EEF2K: variants seen among roughly 807,000 people sequenced by gnomAD.
The protein encoded by EEF2K is eukaryotic elongation factor 2 kinase, also known as alternative protein EEF2K.
In EEF2K, 70 loss-of-function variants were observed where a neutral mutation model predicts 93.8. The ratio of observed to expected loss-of-function variants is 0.75; its 90% CI spans 0.62 to 0.91. The LOEUF (loss-of-function observed/expected upper bound fraction) is 0.91. Ranked by LOEUF, EEF2K falls within the 40% of genes least tolerant of loss-of-function variation. The pLI, the probability that EEF2K is intolerant of heterozygous loss-of-function variation, is 0.00. For synonymous variants in EEF2K, 376 were observed against 380.8 expected (o/e 0.99, Z 0.15); for missense variants, 935 against 972.9 (o/e 0.96, Z 0.52).
intron 6 of EEF2K, among the ~76,000 whole-genome samples, 196 bp from the exon 7 acceptor site, chr16:22,256,552 T>TA (rs1221329779): frequency 6.6e-6 from 1 of 152,172 alleles, no homozygotes; most frequent in Non-Finnish European, 1.5e-5. Flanking sequence ...ATATTTTTTT[T>TA]AATTTTAAAA....
chr16:22,207,937 A>G (rs1598155558), intron 1 of EEF2K, among the ~76,000 whole-genome samples: 2 of 152,286 alleles, frequency 1.3e-5, no homozygotes, highest in Admixed American at 1.3e-4. Context: ...GGAAGGAGGT[A>G]GAGTTCAGAG....
At chr16:22,274,177 T>A (rs1034705706) in intron 16 of EEF2K, among the ~76,000 whole-genome samples, 2 of 152,026 alleles carry the variant, frequency 1.3e-5, no homozygotes, top group African/African-American at 4.8e-5. Context: ...GCATGGTGGC[T>A]CACGCATGTA....
At chr16:22,234,877 C>CTTTTTTTTTT (rs1173052779) in intron 2 of EEF2K, among the ~76,000 whole-genome samples, 1 of 90,626 alleles carries the variant, frequency 1.1e-5, no homozygotes, top group African/African-American at 4.4e-5. Context: ...TTTTTTGTTG[C>CTTTTTTTTTT]TTTTTTTTTT....
At chr16:22,281,048 C>T (rs1420852763) in intron 17 of EEF2K, among the ~76,000 whole-genome samples, 1 of 152,058 alleles carries the variant, frequency 6.6e-6, no homozygotes, top group Non-Finnish European at 1.5e-5. Context: ...GATTCTTGTG[C>T]CTCAGCCTCC....
At chr16:22,228,190 A>G (rs1178154683) in intron 2 of EEF2K, among the ~76,000 whole-genome samples, 2 of 152,106 alleles carry the variant, frequency 1.3e-5, no homozygotes, top group Non-Finnish European at 2.9e-5. Flanking sequence ...TAGGTGCTTA[A>G]TAAGTGTTAT....
intron 2 of EEF2K, among the ~76,000 whole-genome samples, chr16:22,237,150 C>T (rs922055637): frequency 6.6e-6 from 1 of 151,012 alleles, no homozygotes. Context: ...TCACCATGTT[C>T]ACCAGACTGG....
intron 2 of EEF2K, among the ~76,000 whole-genome samples, chr16:22,241,275 A>G (rs149439665): frequency 1.3e-5 from 2 of 152,292 alleles, no homozygotes; most frequent in Admixed American, 1.3e-4. Flanking sequence ...ATCACTAAAT[A>G]AAGCACAAAA....
intron 5 of EEF2K, 125 bp downstream of exon 5, chr16:22,250,816 G>T (rs2047342354): frequency 1.6e-6 from 2 of 1,284,028 alleles, no homozygotes; most frequent in African/African-American, 1.5e-5. Context: ...TGTAGCCCAG[G>T]TTCCTGTCCA....
At chr16:22,277,148 T>C (rs528280959) in intron 16 of EEF2K, among the ~76,000 whole-genome samples, 1 of 152,310 alleles carries the variant, frequency 6.6e-6, no homozygotes, top group South Asian at 2.1e-4. Flanking sequence ...TATTTATTTA[T>C]TTATTTGAGA....
At chr16:22,254,285 G>C (rs940298818) in intron 6 of EEF2K, among the ~76,000 whole-genome samples, 3 of 152,174 alleles carry the variant, frequency 2.0e-5, no homozygotes, top group Non-Finnish European at 4.4e-5. Flanking sequence ...TTTCCTTGTA[G>C]GGATGGGACC....
At chr16:22,244,269 T>TA (rs2047259948) in intron 2 of EEF2K, among the ~76,000 whole-genome samples, 1 of 140,058 alleles carries the variant, frequency 7.1e-6, no homozygotes, top group Admixed American at 7.4e-5. Flanking sequence ...TATATATGTA[T>TA]TGTGTGTGTG....
intron 11 of EEF2K, among the ~76,000 whole-genome samples, chr16:22,261,559 A>T (rs2047462331): frequency 6.6e-6 from 1 of 151,764 alleles, no homozygotes; most frequent in Non-Finnish European, 1.5e-5. Flanking sequence ...GTATGGTGGC[A>T]GTTTCCTGTA....
chr16:22,236,728 C>T (rs571860285), intron 2 of EEF2K, among the ~76,000 whole-genome samples: 99 of 151,736 alleles, frequency 6.5e-4, no homozygotes, highest in African/African-American at 2.3e-3. Context: ...GCACTCCACC[C>T]TCACTCCTGG....
chr16:22,222,634 C>T (rs1421134047), intron 1 of EEF2K, among the ~76,000 whole-genome samples: 2 of 147,832 alleles, frequency 1.4e-5, no homozygotes, highest in Non-Finnish European at 3.0e-5. Flanking sequence ...CTTTGGGAGG[C>T]TGAGGTGGGC....
At chr16:22,242,637 G>A (rs2047234826) in intron 2 of EEF2K, among the ~76,000 whole-genome samples, 1 of 151,920 alleles carries the variant, frequency 6.6e-6, no homozygotes, top group Admixed American at 6.6e-5. Context: ...TGATAGATTT[G>A]GGAGTTCTTT....
chr16:22,273,532 A>G (rs761032755), intron 15 of EEF2K, 94 bp from the exon 16 acceptor site: 253 of 1,541,012 alleles, frequency 1.6e-4, no homozygotes, highest in Non-Finnish European at 2.2e-4. Flanking sequence ...GAGCTCTCAA[A>G]AAACAGGGTG....
At chr16:22,221,345 G>A (rs1286197574) in intron 1 of EEF2K, among the ~76,000 whole-genome samples, 3 of 152,016 alleles carry the variant, frequency 2.0e-5, no homozygotes, top group African/African-American at 7.2e-5. Flanking sequence ...ACTTTAGCCG[G>A]GCATGGTGGC....
Position 22,283,918 on chromosome 16 carries a change from G to A in EEF2K, c.2100G>A (p.Ala700=), listed in dbSNP as rs772491586. 21 of 1,600,242 alleles carry A rather than the reference G, an allele frequency of 1.3e-5. No individual in the cohort carries two copies. Among genetic ancestry groups the A allele is most frequent in the Middle Eastern group, 1.6e-4 (1 of 6,068 alleles). The change falls in exon 18 of 18, where the codon GCG becomes GCA. Residue 700 remains alanine (A), a synonymous_variant. Transcript: ENST00000263026. ...GDLYTQAAEA[A]MEAMKGRLAN... ...TGTATACCCAGGCAGCAGAGGCAGC[G>A]ATGGAAGCCATGAAGGGCCGACTGG... is the stretch of plus-strand genomic sequence containing the variant.
In EEF2K at chr16:22,283,997, C is replaced by T. The variant is rs752482984; in HGVS notation, c.*1C>T. On this transcript the variant is annotated 3_prime_UTR_variant, in exon 18 of 18. Transcript: ENST00000263026. ...GGCCTGGGCCCAGATGGAGGAGTAA[C>T]CAGGAAAATCACTGCCGGCTAGTCC... 1 of 1,569,592 alleles carries T rather than the reference C, an allele frequency of 6.4e-7. No homozygotes were observed. Among genetic ancestry groups the T allele is most frequent in the Non-Finnish European group, 8.6e-7 (1 of 1,156,770 alleles).
Sources: allele counts gnomAD v4.1 joint callset (sites outside exome capture counted in the v4.1 genomes callset), GRCh38; gene constraint gnomAD v4.1.1; transcripts MANE v1.5; gene names NCBI Gene and HGNC (gene_info 2026-07-23, HGNC 2026-07-21).